Variants in IL13RA1 observed in about 807,000 individuals in gnomAD.
The protein encoded by IL13RA1 is interleukin-13 receptor subunit alpha-1.
Under a neutral mutation model 33.8 loss-of-function variants are expected in IL13RA1, and 14 were observed. The ratio of observed to expected loss-of-function variants is 0.41; its 90% CI spans 0.27 to 0.65. The LOEUF (loss-of-function observed/expected upper bound fraction) is 0.65, where lower values mean the gene tolerates loss of function less well. Ranked by LOEUF, IL13RA1 falls within the 30% of genes least tolerant of loss-of-function variation. The pLI is 0.28. For synonymous variants in IL13RA1, 116 were observed against 115.7 expected, an observed-to-expected ratio of 1.00 and a Z score of -0.02; for missense variants, 313 against 327.0, an observed-to-expected ratio of 0.96 and a Z score of 0.33.
downstream of IL13RA1, among the ~76,000 whole-genome samples, chrX:118,798,352 A>G (rs1363414223): frequency 4.5e-5 from 5 of 110,903 alleles, no homozygotes; most frequent in African/African-American, 1.6e-4. Context: ...CATGAGTTCA[A>G]TCCCAAACTT....
intron 8 of IL13RA1, among the ~76,000 whole-genome samples, chrX:118,767,928 GCAC>G (rs1376752784): frequency 8.9e-6 from 1 of 112,121 alleles, no homozygotes; most frequent in African/African-American, 3.2e-5. Context: ...TCCATTCTGA[GCAC>G]CACATTAAAG....
At position 118,747,080 on chromosome X, in the gene IL13RA1, T is replaced by C. The variant is rs1450074558; in HGVS notation, c.355T>C (p.Ser119Pro). The change falls in exon 3 of 11, where the codon TCA (serine) becomes CCA (proline). Residue 119 changes from serine to proline, a missense_variant. Physicochemically the swap from Ser to Pro is moderately conservative, Grantham distance 74. Transcript: ENST00000371666. ...TAGCATTTTGGTTGAAAAATGCATC[T>C]CACCCCCAGAAGGTAACAACTGAAA... ...KPSILVEKCI[S>P]PPEGDPESAV... The C allele has an allele frequency of 2.6e-6, 3 of 1,163,317 alleles. No individual in the cohort carries two copies. The highest frequency in any genetic ancestry group is 3.5e-6 in the Non-Finnish European group (3 of 853,875).
At chrX:118,795,226 A>AG (rs1569460788), downstream of IL13RA1, among the ~76,000 whole-genome samples, 28 of 105,087 alleles carry the variant, frequency 2.7e-4, no homozygotes, top group African/African-American at 8.9e-4. Flanking sequence ...AAAAAAAAAA[A>AG]AAAAGAAAAA....
intron 1 of IL13RA1, among the ~76,000 whole-genome samples, chrX:118,739,563 A>G (rs993154443): frequency 1.8e-5 from 2 of 112,208 alleles, no homozygotes; most frequent in African/African-American, 6.5e-5. Context: ...TTTTCAAATA[A>G]TTTTAATAAA....
At chrX:118,748,360 C>CG (rs1556363017) in intron 3 of IL13RA1, among the ~76,000 whole-genome samples, 34 of 52,222 alleles carry the variant, frequency 6.5e-4, no homozygotes, top group South Asian at 4.4e-3. Flanking sequence ...TAGGAGTTAA[C>CG]GAAAAAAAAA....
downstream of IL13RA1, among the ~76,000 whole-genome samples, chrX:118,798,515 G>C (rs1282998524): frequency 4.5e-5 from 5 of 111,577 alleles, no homozygotes; most frequent in Non-Finnish European, 7.5e-5. Context: ...GGGGGAGACA[G>C]CCCTCTTTAG....
At chrX:118,784,328 TA>T (rs1479879838) in intron 10 of IL13RA1, among the ~76,000 whole-genome samples, 1 of 107,575 alleles carries the variant, frequency 9.3e-6, no homozygotes, top group Non-Finnish European at 1.9e-5. Context: ...CCTTTAGTGA[TA>T]AATGGAGTAA....
At chrX:118,787,790 G>A (rs1364620710) in intron 10 of IL13RA1, among the ~76,000 whole-genome samples, 1 of 111,849 alleles carries the variant, frequency 8.9e-6, no homozygotes, top group Non-Finnish European at 1.9e-5. Context: ...GTCCTGCCCG[G>A]CTCCAGGCAG....
chrX:118,779,696 A>T (rs907279164), intron 10 of IL13RA1, among the ~76,000 whole-genome samples: 5 of 112,022 alleles, frequency 4.5e-5, no homozygotes, highest in Non-Finnish European at 9.4e-5. Flanking sequence ...TACTGTAGTC[A>T]TCCAGGTCTG....
chrX:118,773,614 TTA>T (rs2017749441), intron 8 of IL13RA1, among the ~76,000 whole-genome samples: 1 of 112,097 alleles, frequency 8.9e-6, no homozygotes, highest in African/African-American at 3.2e-5. Context: ...AGAATAAAGC[TTA>T]TGTTTGTCTT....
chrX:118,734,673 G>A (rs184343889), intron 1 of IL13RA1, among the ~76,000 whole-genome samples: 1 of 111,845 alleles, frequency 8.9e-6, no homozygotes, highest in African/African-American at 3.2e-5. Flanking sequence ...ATCCCACTTG[G>A]TCATGGTCTA....
At chrX:118,771,819 T>C (rs1383966243) in intron 8 of IL13RA1, among the ~76,000 whole-genome samples, 3 of 110,976 alleles carry the variant, frequency 2.7e-5, no homozygotes, top group African/African-American at 9.8e-5. Context: ...TACTGAAATA[T>C]AAAAATAAGC....
chrX:118,800,368 C>T, the IL13RA1 span, among the ~76,000 whole-genome samples: 2 of 110,765 alleles, frequency 1.8e-5, no homozygotes, highest in African/African-American at 3.3e-5. Flanking sequence ...ACACTCACTG[C>T]GAAGACCTGC....
the IL13RA1 span, among the ~76,000 whole-genome samples, chrX:118,801,658 T>G: frequency 4.0e-4 from 45 of 112,607 alleles, no homozygotes; most frequent in Non-Finnish European, 7.9e-4. Flanking sequence ...CACCTAGCGT[T>G]GCTGTGAGGT....
intron 1 of IL13RA1, among the ~76,000 whole-genome samples, chrX:118,738,405 A>G (rs1404486226): frequency 1.8e-5 from 2 of 111,181 alleles, no homozygotes; most frequent in African/African-American, 3.3e-5. Context: ...CCCAGTGTCT[A>G]TCATTTCCAT....
chrX:118,773,873 C>G lies in IL13RA1; in HGVS notation c.1010-6C>G, dbSNP rs1217770461. On this transcript the variant is annotated splice_polypyrimidine_tract_variant and splice_region_variant and intron_variant, in intron 8 of 10. Coordinates refer to ENST00000371666, the MANE Select transcript of IL13RA1 (RefSeq NM_001560.3). ...CAAGTCTTTCTGTTTGCTTTTCATT[C>G]TCCAGGTAAGAAGCGCAATTCCACA... The G allele has an allele frequency of 9.2e-6, 8 of 871,214 alleles. No homozygotes were observed. The highest frequency in any genetic ancestry group is 1.4e-5 in the Non-Finnish European group (8 of 588,878). The allele number at this position is 871,214 out of a possible 1,213,427, so 71.8% of individuals were successfully genotyped here.
intron 1 of IL13RA1, among the ~76,000 whole-genome samples, chrX:118,731,474 G>A (rs2017217417): frequency 9.1e-6 from 1 of 110,105 alleles, no homozygotes; most frequent in South Asian, 3.9e-4. Flanking sequence ...CTACTCGGAA[G>A]GCTGAGGCAG....
At chrX:118,729,122 G>A (rs762278101) in intron 1 of IL13RA1, among the ~76,000 whole-genome samples, 2 of 111,085 alleles carry the variant, frequency 1.8e-5, no homozygotes, top group East Asian at 5.7e-4. Flanking sequence ...GTAATCATAT[G>A]GGGACATTGC....
intron 8 of IL13RA1, among the ~76,000 whole-genome samples, chrX:118,769,180 A>G (rs1371703864): frequency 8.9e-6 from 1 of 112,790 alleles, no homozygotes; most frequent in African/African-American, 3.2e-5. Context: ...CAGGGAATGA[A>G]TATCAGGAGG....
Sources: allele counts gnomAD v4.1 joint callset (sites outside exome capture counted in the v4.1 genomes callset), GRCh38; gene constraint gnomAD v4.1.1; transcripts MANE v1.5; gene names NCBI Gene and HGNC (gene_info 2026-07-23, HGNC 2026-07-21).